The following MTHFD2L variants were observed in gnomAD, a reference collection of about 807,000 sequenced individuals.
MTHFD2L encodes the protein methylenetetrahydrofolate dehydrogenase (NADP+ dependent) 2 like.
In MTHFD2L, 29 loss-of-function variants were observed where a neutral mutation model predicts 34.9. The ratio of observed to expected loss-of-function variants is 0.83; its 90% CI spans 0.62 to 1.13. The LOEUF (loss-of-function observed/expected upper bound fraction) is 1.13. Among genes scored for constraint, MTHFD2L ranks in the 50% most tolerant of loss-of-function variants. The pLI, the probability that MTHFD2L is intolerant of heterozygous loss-of-function variation, is 0.00. For missense variants in MTHFD2L, 481 were observed against 446.5 expected (o/e 1.08, Z -0.70); for synonymous variants, 167 against 155.7 (o/e 1.07, Z -0.54).
At chr4:74,255,741 A>C (rs958740851) in intron 6 of MTHFD2L, among the ~76,000 whole-genome samples, 2 of 152,206 alleles carry the variant, frequency 1.3e-5, no homozygotes, top group African/African-American at 4.8e-5. Flanking sequence ...ATAAATAAGA[A>C]CATGTGGTAT....
chr4:74,270,077 G>T (rs530906662), intron 6 of MTHFD2L, among the ~76,000 whole-genome samples: 14 of 151,968 alleles, frequency 9.2e-5, no homozygotes, highest in Admixed American at 9.2e-4. Flanking sequence ...GGGTTTTTAG[G>T]TATTCTTTTT....
At chr4:74,223,638 A>T (rs201219628) in intron 5 of MTHFD2L, among the ~76,000 whole-genome samples, 2 of 151,366 alleles carry the variant, frequency 1.3e-5, no homozygotes, top group East Asian at 1.9e-4. Flanking sequence ...AAAACAAATA[A>T]AAATAAATAA....
At chr4:74,178,154 G>C (rs1578362455) in intron 3 of MTHFD2L, among the ~76,000 whole-genome samples, 1 of 152,134 alleles carries the variant, frequency 6.6e-6, no homozygotes, top group East Asian at 1.9e-4. Context: ...ACAGGAATAA[G>C]TTGTGGAGGT....
intron 7 of MTHFD2L, among the ~76,000 whole-genome samples, chr4:74,300,992 T>C (rs1271957623): frequency 1.3e-5 from 2 of 152,084 alleles, no homozygotes; most frequent in African/African-American, 4.8e-5. Context: ...TTACCACTAC[T>C]CAGCATCTTG....
At chr4:74,220,489 G>A (rs1266559746) in intron 5 of MTHFD2L, among the ~76,000 whole-genome samples, 1 of 151,618 alleles carries the variant, frequency 6.6e-6, no homozygotes, top group East Asian at 1.9e-4. Flanking sequence ...ATTTTTATTG[G>A]ACTTTGATTA....
At chr4:74,115,907 CATT>C (rs1340309415) in intron 2 of MTHFD2L, among the ~76,000 whole-genome samples, 6 of 152,048 alleles carry the variant, frequency 3.9e-5, no homozygotes, top group African/African-American at 1.2e-4. Flanking sequence ...TTCTATGAAA[CATT>C]ATTAAATTCC....
chr4:74,150,405 C>A (rs780482245), intron 1 of MTHFD2L, among the ~76,000 whole-genome samples: 1 of 152,182 alleles, frequency 6.6e-6, no homozygotes, highest in African/African-American at 2.4e-5. Context: ...AGGCATGCGC[C>A]ACCATGCCCA....
At position 74,302,096 on chromosome 4, in the gene MTHFD2L, A is replaced by G. The variant is rs924064396; in HGVS notation, c.*287A>G. On this transcript the variant is annotated 3_prime_UTR_variant, in exon 8 of 8. Transcript: ENST00000325278. ...TAAAACAATAAAGGGCTCATAATAA[A>G]TAAATATATTTTTGACACAATTAAA... The G allele has an allele frequency of 5.4e-5, 12 of 224,116 alleles. No homozygotes were observed. The highest frequency in any genetic ancestry group is 8.6e-5 in the Non-Finnish European group (10 of 116,222). 13.9% of individuals were successfully genotyped at this position (224,116 alleles called of 1,614,324 possible). A position where few individuals can be genotyped will look rare whatever the true frequency, so the allele number is the denominator to read the frequency against.
chr4:74,225,616 G>A (rs1201384107), intron 6 of MTHFD2L, among the ~76,000 whole-genome samples: 2 of 152,160 alleles, frequency 1.3e-5, no homozygotes, highest in Non-Finnish European at 2.9e-5. Flanking sequence ...TGGGATGACA[G>A]ATTAAGCACA....
chr4:74,124,731 C>G (rs548242790), upstream of MTHFD2L, among the ~76,000 whole-genome samples: 109 of 152,082 alleles, frequency 7.2e-4, no homozygotes, highest in African/African-American at 2.5e-3. Context: ...TTCCATTGTG[C>G]CAAGTATTAG....
At chr4:74,137,831 A>G (rs1030138463) in intron 1 of MTHFD2L, among the ~76,000 whole-genome samples, 5 of 152,114 alleles carry the variant, frequency 3.3e-5, no homozygotes, top group African/African-American at 1.2e-4. Context: ...TGAGATCACT[A>G]TGTTAAGAGA....
chr4:74,163,827 T>C (rs1333238919), intron 1 of MTHFD2L, among the ~76,000 whole-genome samples: 1 of 152,186 alleles, frequency 6.6e-6, no homozygotes, highest in Non-Finnish European at 1.5e-5. Flanking sequence ...TGGGTAGAGC[T>C]TGGAATTGTT....
chr4:74,143,783 T>C (rs771828755), intron 1 of MTHFD2L, among the ~76,000 whole-genome samples: 19 of 152,214 alleles, frequency 1.2e-4, no homozygotes, highest in Admixed American at 2.0e-4. Context: ...AATATCTTAA[T>C]ATTGTTTTGT....
chr4:74,122,052 A>T (rs1344900008), upstream of MTHFD2L, among the ~76,000 whole-genome samples: 1 of 152,178 alleles, frequency 6.6e-6, no homozygotes, highest in Non-Finnish European at 1.5e-5. Flanking sequence ...TTGTTACAGC[A>T]GCCCTAGCAA....
chr4:74,161,179 C>G (rs978783125), intron 1 of MTHFD2L: 5 of 152,136 alleles, frequency 3.3e-5, no homozygotes, highest in Admixed American at 2.6e-4. Context: ...TTAAAAAAAT[C>G]TACATTTTTG....
intron 1 of MTHFD2L, among the ~76,000 whole-genome samples, chr4:74,134,058 G>T (rs1221214806): frequency 6.6e-6 from 1 of 152,130 alleles, no homozygotes; most frequent in African/African-American, 2.4e-5. Context: ...TCAACTCATG[G>T]TTTCTGCACT....
chr4:74,271,352 G>A (rs529704254), intron 6 of MTHFD2L, among the ~76,000 whole-genome samples: 31 of 152,224 alleles, frequency 2.0e-4, no homozygotes, highest in Middle Eastern at 3.4e-3. Flanking sequence ...TTTGTATAAG[G>A]TGTAAGGAAG....
intron 1 of MTHFD2L, 124 bp downstream of exon 1, chr4:74,158,405 G>C (rs1316560681): frequency 2.7e-6 from 2 of 731,988 alleles, no homozygotes; most frequent in Non-Finnish European, 3.4e-6. Context: ...GGGCTGGGTC[G>C]AGGACAGCCT....
intron 6 of MTHFD2L, among the ~76,000 whole-genome samples, chr4:74,266,255 T>C (rs1745275383): frequency 6.6e-6 from 1 of 152,194 alleles, no homozygotes; most frequent in Non-Finnish European, 1.5e-5. Context: ...CACTATTATG[T>C]TTCTAAACTC....
Sources: allele counts gnomAD v4.1 joint callset (sites outside exome capture counted in the v4.1 genomes callset), GRCh38; gene constraint gnomAD v4.1.1; transcripts MANE v1.5; gene names NCBI Gene and HGNC (gene_info 2026-07-23, HGNC 2026-07-21).